The following SHPK variants were observed in gnomAD, a reference collection of about 807,000 sequenced individuals.
SHPK encodes the protein sedoheptulokinase.
SHPK carries 51 observed loss-of-function variants against 46.3 expected under a neutral mutation model. The ratio of observed to expected loss-of-function variants is 1.10; its 90% confidence interval spans 0.88 to 1.39. The LOEUF (loss-of-function observed/expected upper bound fraction) is 1.39, where lower values mean the gene tolerates loss of function less well. Among genes scored for constraint, SHPK ranks in the 40% most tolerant of loss-of-function variants. The probability of loss-of-function intolerance (pLI) is 0.00; values close to 1 mark genes in which losing one functional copy is unlikely to be tolerated. For missense variants in SHPK, 668 were observed against 641.3 expected (o/e 1.04, Z -0.45); for synonymous variants, 290 against 273.9 (o/e 1.06, Z -0.58).
At chr17:3,628,186 C>A (rs1274064941) in intron 2 of SHPK, among the ~76,000 whole-genome samples, 1 of 152,150 alleles carries the variant, frequency 6.6e-6, no homozygotes, top group Non-Finnish European at 1.5e-5. Context: ...TACAGCCCCC[C>A]AAAGTAGCCG....
intron 6 of SHPK, among the ~76,000 whole-genome samples, chr17:3,611,866 T>C (rs1478353531): frequency 7.3e-6 from 1 of 136,676 alleles, no homozygotes; most frequent in African/African-American, 2.8e-5. Flanking sequence ...GTGGCACATA[T>C]CCTATCGGCT....
chr17:3,610,748 G>A lies in SHPK; in HGVS notation c.1249C>T (p.Gln417Ter). 2 of 1,614,120 alleles carry A rather than the reference G, an allele frequency of 1.2e-6. No homozygotes were observed. The highest frequency in any genetic ancestry group is 2.2e-5 in the East Asian group (1 of 44,880). Residue 417 changes from glutamine (Q) to a stop codon, truncating the protein, a stop_gained, in exon 7 of 7, where the codon CAG (glutamine) becomes TAG (stop). Transcript: ENST00000225519. LOFTEE classifies it high-confidence loss of function. ...TCCACGCCCCACTCCTGGAGCTGCT[G>A]AATCGGAAGCATGGAGTGCAGGTTC... Reference protein sequence around the residue: ...VQNLHSMLPIQQLQEWGVERV... With the variant: ...VQNLHSMLPI
intron 5 of SHPK, 46 bp downstream of exon 5, chr17:3,621,191 G>A: frequency 1.3e-6 from 2 of 1,495,330 alleles, no homozygotes; most frequent in South Asian, 2.5e-5. Context: ...TGCTTATGAG[G>A]CAGGCGACAG....
At chr17:3,613,771 T>C (rs1265919754) in intron 6 of SHPK, among the ~76,000 whole-genome samples, 1 of 152,124 alleles carries the variant, frequency 6.6e-6, no homozygotes, top group Non-Finnish European at 1.5e-5. Context: ...TTGCCCAAGC[T>C]GGACTTGAAC....
At chr17:3,616,386 C>T (rs554338253) in intron 5 of SHPK, among the ~76,000 whole-genome samples, 5 of 152,292 alleles carry the variant, frequency 3.3e-5, no homozygotes, top group African/African-American at 1.2e-4. Context: ...CCTCACGTGC[C>T]AGGGAACTGA....
chr17:3,633,941 T>C (rs2075489755), intron 1 of SHPK, among the ~76,000 whole-genome samples: 1 of 150,898 alleles, frequency 6.6e-6, no homozygotes. Context: ...TCTTCTGCCT[T>C]GGGATCCTGT....
At chr17:3,630,468 T>G (rs971837466) in intron 1 of SHPK, 122 bp from the exon 2 acceptor site, 3 of 1,003,722 alleles carry the variant, frequency 3.0e-6, no homozygotes, top group Non-Finnish European at 4.3e-6. Flanking sequence ...AACTTCACAG[T>G]TGAGGCACTG....
Position 3,624,248 on chromosome 17 carries a change from G to C in SHPK, c.311-17C>G. On this transcript the variant is annotated splice_polypyrimidine_tract_variant and intron_variant, in intron 2 of 6. Transcript: ENST00000225519. The stretch of plus-strand genomic sequence containing the variant: ...ATTCACAGCCTGGAACAAAAGAGAT[G>C]ACCAAAAATGAAGAAAAGAGCAAAT... 6.3e-7 allele frequency: 1 copy of C among 1,588,172 alleles called. No homozygotes were observed. The highest frequency in any genetic ancestry group is 2.3e-5 in the East Asian group (1 of 44,260).
intron 2 of SHPK, among the ~76,000 whole-genome samples, chr17:3,628,591 G>T (rs1453041531): frequency 3.3e-5 from 5 of 152,110 alleles, no homozygotes; most frequent in Non-Finnish European, 7.4e-5. Context: ...AAAGTGCTGG[G>T]ATTACAGGCG....
rs527817610 is a variant in SHPK at position 3,623,195 on chromosome 17, C to A, written c.647+144G>T. ...GCCCATCCATGCCCCGTGTCTGGGA[C>A]AGGCCAGGGGCACTGGACCCTGATC... On this transcript the variant is annotated intron_variant, in intron 4 of 6. Coordinates refer to ENST00000225519, the MANE Select transcript of SHPK (RefSeq NM_013276.4). 1,075 of 868,434 alleles carry A rather than the reference C, an allele frequency of 1.2e-3. 3 individuals are homozygous for A. Among genetic ancestry groups the A allele is most frequent in the Non-Finnish European group, 1.8e-3 (956 of 545,454 alleles). The allele number at this position is 868,434 out of a possible 1,614,324, so 53.8% of individuals were successfully genotyped here. A position where few individuals can be genotyped will look rare whatever the true frequency, so the allele number is the denominator to read the frequency against.
At position 3,609,804 on chromosome 17, in the gene SHPK, A is replaced by G. The variant is rs2075325082; in HGVS notation, c.*756T>C. 1 of 152,512 alleles carries G rather than the reference A, an allele frequency of 6.6e-6. No individual in the cohort carries two copies. Among genetic ancestry groups the G allele is most frequent in the South Asian group, 2.1e-4 (1 of 4,836 alleles). The allele number at this position is 152,512 out of a possible 1,614,324, so 9.4% of individuals were successfully genotyped here. A position where few individuals can be genotyped will look rare whatever the true frequency, so the allele number is the denominator to read the frequency against. On this transcript the variant is annotated 3_prime_UTR_variant, in exon 7 of 7. Coordinates refer to ENST00000225519, the MANE Select transcript of SHPK (RefSeq NM_013276.4). Reference sequence around the variant, plus strand: ...TCTGGAGTGGTGTGAGCTGCACAGCATCGGTCCCCCTTGCTGCTCATGCCA... The same window carrying G: ...TCTGGAGTGGTGTGAGCTGCACAGCGTCGGTCCCCCTTGCTGCTCATGCCA...
intron 2 of SHPK, among the ~76,000 whole-genome samples, chr17:3,628,043 C>T (rs1325572687): frequency 1.3e-5 from 2 of 151,908 alleles, no homozygotes; most frequent in Non-Finnish European, 2.9e-5. Context: ...CAGCCCCATC[C>T]TGGGAGTGAT....
chr17:3,612,495 C>T lies in SHPK; in HGVS notation c.1025-1523G>A, dbSNP rs576100210. On this transcript the variant is annotated intron_variant, in intron 6 of 6. Coordinates refer to ENST00000225519, the MANE Select transcript of SHPK (RefSeq NM_013276.4). ...TAGAATCACTTTTGATCTATAACCT[C>T]GCATGACCTGAGGGAAAGCAAACAT... Among the ~76,000 whole-genome samples, 12 of 151,816 alleles carry T rather than the reference C, an allele frequency of 7.9e-5. No individual in the cohort carries two copies. In the South Asian group the frequency reaches 2.5e-3, roughly 32 times the overall value.
chr17:3,636,075 C>G lies in SHPK; in HGVS notation c.145G>C (p.Glu49Gln), dbSNP rs564309046. Residue 49 changes from glutamate (E) to glutamine (Q), a missense_variant, in exon 1 of 7, where the codon GAG becomes CAG. Physicochemically the swap from Glu to Gln is conservative, Grantham distance 29. Transcript: ENST00000225519. ...ACCTGGGGCCCGGCCACCGCGCTCTCGACCGCCGCCTCTGCCCGCGCAGCA... is the reference window on the plus strand; with the variant it reads ...ACCTGGGGCCCGGCCACCGCGCTCTGGACCGCCGCCTCTGCCCGCGCAGCA... The part of the protein sequence containing the change: ...ARAARAEAAV[E>Q]SAVAGPQGRE... 7.2e-5 allele frequency: 114 copies of G among 1,585,058 alleles called. 1 individual carries two copies. Among genetic ancestry groups the G allele is most frequent in the Admixed American group, 9.0e-5 (5 of 55,774 alleles).
At chr17:3,632,244 C>T (rs1206330202) in intron 1 of SHPK, among the ~76,000 whole-genome samples, 3 of 152,188 alleles carry the variant, frequency 2.0e-5, no homozygotes, top group East Asian at 1.9e-4. Context: ...CGTGAGCCAC[C>T]GCGCCTGGCC....
chr17:3,622,893 T>A (rs1471707107), intron 4 of SHPK, among the ~76,000 whole-genome samples: 2 of 151,860 alleles, frequency 1.3e-5, no homozygotes, highest in Admixed American at 1.3e-4. Context: ...TTAGTAGAGA[T>A]GGGGTTTCGC....
chr17:3,610,627 T>C lies in SHPK; in HGVS notation c.1370A>G (p.Asp457Gly). The C allele has an allele frequency of 3.7e-6, 6 of 1,613,928 alleles. No homozygotes were observed. Among genetic ancestry groups the C allele is most frequent in the Non-Finnish European group, 5.1e-6 (6 of 1,179,974 alleles). The change falls in exon 7 of 7, where the codon GAT becomes GGT. Residue 457 changes from aspartate to glycine, a missense_variant. Asp to Gly is a moderately conservative substitution (Grantham distance 94, BLOSUM62 -1). Coordinates refer to ENST00000225519, the MANE Select transcript of SHPK (RefSeq NM_013276.4). The part of the protein sequence containing the change: ...AFPLPMSFGQ[D>G]VDAAVGAALV... ...AGCTGCCCCGACAGCTGCATCCACA[T>C]CCTGCCCAAAGGACATGGGCAAAGG...
chr17:3,634,131 G>A (rs1008481534), intron 1 of SHPK, among the ~76,000 whole-genome samples: 13 of 149,066 alleles, frequency 8.7e-5, no homozygotes, highest in East Asian at 3.9e-4. Context: ...CAAACACTGC[G>A]GAAGGCCGCA....
chr17:3,629,556 C>T (rs1005381795), intron 2 of SHPK, among the ~76,000 whole-genome samples: 2 of 151,770 alleles, frequency 1.3e-5, no homozygotes, highest in Admixed American at 1.3e-4. Flanking sequence ...GGTGAAACCC[C>T]GTCTCTACTA....
Sources: gnomAD v4.1 joint callset for allele counts (sites outside exome capture counted in the v4.1 genomes callset) on GRCh38, gnomAD v4.1.1 for gene constraint, MANE v1.5 for transcripts, NCBI Gene and HGNC (gene_info 2026-07-23, HGNC 2026-07-21) for gene names.